The following PCDH15 variants were observed in gnomAD, a reference collection of about 807,000 sequenced individuals.
PCDH15 encodes the protein protocadherin related 15, also known as protocadherin-15.
PCDH15 carries 129 observed loss-of-function variants against 178.5 expected under a neutral mutation model. The ratio of observed to expected loss-of-function variants is 0.72; its 90% CI spans 0.63 to 0.84. PCDH15 has a LOEUF of 0.84. Ranked by LOEUF, PCDH15 falls within the 40% of genes least tolerant of loss-of-function variation. The probability of loss-of-function intolerance (pLI) is 0.00; values close to 1 mark genes in which losing one functional copy is unlikely to be tolerated. For missense variants in PCDH15, 2,230 were observed against 2,099.9 expected (o/e 1.06, Z -1.21); for synonymous variants, 800 against 732.0 (o/e 1.09, Z -1.50).
At chr10:54,440,213 G>C (rs1248848564) in intron 3 of PCDH15, among the ~76,000 whole-genome samples, 2 of 151,942 alleles carry the variant, frequency 1.3e-5, no homozygotes, top group African/African-American at 4.8e-5. Flanking sequence ...ACGGAGGTTT[G>C]TTATCCCAGT....
At chr10:54,895,237 A>G (rs887838275) in intron 3 of PCDH15, among the ~76,000 whole-genome samples, 6 of 152,052 alleles carry the variant, frequency 3.9e-5, no homozygotes, top group African/African-American at 7.2e-5. Flanking sequence ...CTAAAAGTCA[A>G]CCGTGAAGGG....
At chr10:54,794,494 A>G (rs1484438091) in intron 1 of PCDH15, among the ~76,000 whole-genome samples, 1 of 151,814 alleles carries the variant, frequency 6.6e-6, no homozygotes, top group African/African-American at 2.4e-5. Context: ...CATTTTTTTG[A>G]AAAATATTAG....
At chr10:54,133,742 G>A (rs187427269) in intron 14 of PCDH15, among the ~76,000 whole-genome samples, 59 of 152,094 alleles carry the variant, frequency 3.9e-4, no homozygotes, top group African/African-American at 1.3e-3. Context: ...AACAAAAACT[G>A]AAGAAGCATG....
At chr10:54,034,454 T>C (rs2093370192) in intron 18 of PCDH15, among the ~76,000 whole-genome samples, 1 of 151,982 alleles carries the variant, frequency 6.6e-6, no homozygotes, top group South Asian at 2.1e-4. Context: ...GTCTCCAAAT[T>C]GGTTGATTTA....
chr10:54,397,824 T>C (rs1209658079), intron 3 of PCDH15, among the ~76,000 whole-genome samples: 1 of 152,008 alleles, frequency 6.6e-6, no homozygotes, highest in Non-Finnish European at 1.5e-5. Flanking sequence ...GTTTTATTCA[T>C]TATTACAAGG....
chr10:54,266,051 TA>T (rs35683672), intron 8 of PCDH15, among the ~76,000 whole-genome samples: 91,317 of 151,208 alleles, frequency 0.6, 29,146 homozygotes, highest in Middle Eastern at 0.73. Context: ...GTCAAGAAAT[TA>T]AAAAAAATAT....
chr10:54,605,443 G>A lies in PCDH15; in HGVS notation c.91+58729C>T, dbSNP rs78468683. ...GTTGTGTATTTGTTTGTTTGTTTCC[G>A]CATTTTAAATGTATCATCCAACTCC... On this transcript the variant is annotated intron_variant, in intron 2 of 37. Transcript: ENST00000644397. Among the ~76,000 whole-genome samples the A allele has an allele frequency of 4.4e-3, 663 of 151,926 alleles. 19 individuals are homozygous for A. In the East Asian group the frequency reaches 0.072, roughly 16 times the overall value.
chr10:54,826,680 A>G (rs1591724404), intron 3 of PCDH15, among the ~76,000 whole-genome samples: 1 of 152,136 alleles, frequency 6.6e-6, no homozygotes, highest in East Asian at 1.9e-4. Context: ...CTGTTGTACC[A>G]TACAAATAAC....
At chr10:54,409,981 T>C (rs1392170793) in intron 3 of PCDH15, among the ~76,000 whole-genome samples, 4 of 152,124 alleles carry the variant, frequency 2.6e-5, no homozygotes, top group Admixed American at 6.6e-5. Flanking sequence ...CTTTATTAAT[T>C]ACCCAGTCCA....
At chr10:54,158,172 T>C (rs2045345482) in intron 13 of PCDH15, among the ~76,000 whole-genome samples, 1 of 152,170 alleles carries the variant, frequency 6.6e-6, no homozygotes, top group African/African-American at 2.4e-5. Flanking sequence ...ACTCTACTGG[T>C]ATCAATTTAC....
At chr10:55,612,298 ATAAT>A (rs1843383399) in intron 2 of PCDH15, among the ~76,000 whole-genome samples, 3 of 152,238 alleles carry the variant, frequency 2.0e-5, no homozygotes, top group Admixed American at 6.5e-5. Context: ...ATAAATACAT[ATAAT>A]TAATTATCAA....
At chr10:54,519,988 G>T (rs1268629579) in intron 3 of PCDH15, among the ~76,000 whole-genome samples, 2 of 152,202 alleles carry the variant, frequency 1.3e-5, no homozygotes, top group Non-Finnish European at 2.9e-5. Flanking sequence ...AATAAATGGT[G>T]CTGGTACAAC....
chr10:54,773,774 T>C (rs931333568), intron 1 of PCDH15, among the ~76,000 whole-genome samples: 6 of 152,142 alleles, frequency 3.9e-5, no homozygotes, highest in Non-Finnish European at 7.3e-5. Context: ...TTTCTAGCTG[T>C]TTTTATTTTT....
intron 2 of PCDH15, among the ~76,000 whole-genome samples, chr10:54,986,376 TA>T (rs1457814987): frequency 6.6e-6 from 1 of 152,114 alleles, no homozygotes; most frequent in Non-Finnish European, 1.5e-5. Flanking sequence ...TCTGGAAAAG[TA>T]CAACTCCAGA....
chr10:54,107,686 T>C lies in PCDH15; in HGVS notation c.1918-17623A>G, dbSNP rs910384497. Among the ~76,000 whole-genome samples, 5 of 152,198 alleles carry C rather than the reference T, an allele frequency of 3.3e-5. No individual in the cohort carries two copies. In the East Asian group the frequency reaches 5.8e-4, roughly 18 times the overall value. ...GGGACAGCAGCAGTGTAATTTGGGG[T>C]GTCCTAGACTGAGTGATATCAGGCT... is the stretch of plus-strand genomic sequence containing the variant. On this transcript the variant is annotated intron_variant, in intron 15 of 37. Transcript: ENST00000644397.
chr10:55,512,560 T>C lies in PCDH15; in HGVS notation c.-156+115065A>G, dbSNP rs564511801. On this transcript the variant is annotated intron_variant, in intron 2 of 5. Transcript: ENST00000613346. ...TATTTGAGAATTCTTCCAGTGAACCTAGGGGAGAAAATTGTTGGTTTACCC... is the reference window on the plus strand; with the variant it reads ...TATTTGAGAATTCTTCCAGTGAACCCAGGGGAGAAAATTGTTGGTTTACCC... Among the ~76,000 whole-genome samples, 40 of 152,166 alleles carry C rather than the reference T, an allele frequency of 2.6e-4. No homozygotes were observed. In the East Asian group the frequency reaches 7.8e-3, roughly 30 times the overall value.
intron 2 of PCDH15, among the ~76,000 whole-genome samples, chr10:54,942,097 G>C (rs894246443): frequency 6.6e-6 from 1 of 151,970 alleles, no homozygotes; most frequent in Non-Finnish European, 1.5e-5. Context: ...AGGAATCAAA[G>C]GCCAACGTTT....
chr10:54,911,663 G>A (rs145074383), intron 2 of PCDH15, among the ~76,000 whole-genome samples: 1 of 152,228 alleles, frequency 6.6e-6, no homozygotes, highest in African/African-American at 2.4e-5. Flanking sequence ...GTCAAGGGAG[G>A]GACCAGGTGG....
intron 2 of PCDH15, among the ~76,000 whole-genome samples, chr10:55,451,573 T>C (rs1839436320): frequency 6.6e-6 from 1 of 152,120 alleles, no homozygotes; most frequent in African/African-American, 2.4e-5. Context: ...ACAAATATTG[T>C]AAAAAAGAAT....
Sources: allele counts gnomAD v4.1 joint callset (sites outside exome capture counted in the v4.1 genomes callset), GRCh38; gene constraint gnomAD v4.1.1; transcripts MANE v1.5; gene names NCBI Gene and HGNC (gene_info 2026-07-23, HGNC 2026-07-21).